EFNA5: variants seen among roughly 807,000 people sequenced by gnomAD.
The protein encoded by EFNA5 is ephrin A5.
In EFNA5, 5 loss-of-function variants were observed where a neutral mutation model predicts 22.9. The observed-to-expected ratio is 0.22, with a 90% CI of 0.11 to 0.46. EFNA5 has a LOEUF of 0.46. Ranked by LOEUF, EFNA5 falls within the 20% of genes least tolerant of loss-of-function variation. EFNA5 has a pLI of 0.99. For synonymous variants in EFNA5, 113 were observed against 112.2 expected, an observed-to-expected ratio of 1.01 and a Z score of -0.04; for missense variants, 237 against 293.3, an observed-to-expected ratio of 0.81 and a Z score of 1.40.
intron 4 of EFNA5, among the ~76,000 whole-genome samples, chr5:107,384,767 CATTT>C (rs1489550211): frequency 9.2e-6 from 1 of 108,744 alleles, no homozygotes; most frequent in African/African-American, 3.7e-5. Context: ...ACACACACCA[CATTT>C]TTTTTTTTTT....
At chr5:107,387,386 T>A (rs1217785411) in intron 3 of EFNA5, 71 bp from the exon 4 acceptor site, 6 of 1,033,206 alleles carry the variant, frequency 5.8e-6, no homozygotes, top group African/African-American at 1.6e-5. Flanking sequence ...TTCTTTCTTT[T>A]TTCTTTCTCT....
At chr5:107,661,147 A>G (rs865786065) in intron 1 of EFNA5, among the ~76,000 whole-genome samples, 19 of 151,356 alleles carry the variant, frequency 1.3e-4, no homozygotes, top group South Asian at 4.2e-4. Context: ...AGAAGAAGAA[A>G]AAAAAAGTAT....
At chr5:107,621,223 G>A (rs867252219) in intron 1 of EFNA5, among the ~76,000 whole-genome samples, 1 of 152,106 alleles carries the variant, frequency 6.6e-6, no homozygotes, top group African/African-American at 2.4e-5. Flanking sequence ...CAGACTGGGG[G>A]GCTGGAGTAA....
At chr5:107,467,609 G>A (rs551201544) in intron 1 of EFNA5, among the ~76,000 whole-genome samples, 2 of 152,316 alleles carry the variant, frequency 1.3e-5, no homozygotes, top group South Asian at 2.1e-4. Flanking sequence ...TTGTGAAGGT[G>A]GCACGTGGAT....
intron 1 of EFNA5, among the ~76,000 whole-genome samples, chr5:107,462,281 A>C (rs1267716821): frequency 6.6e-6 from 1 of 152,136 alleles, no homozygotes; most frequent in African/African-American, 2.4e-5. Context: ...GAAAGAAAGG[A>C]AAGAAAAGGG....
chr5:107,520,019 T>A (rs1289820780), intron 1 of EFNA5, among the ~76,000 whole-genome samples: 1 of 152,170 alleles, frequency 6.6e-6, no homozygotes, highest in Non-Finnish European at 1.5e-5. Context: ...CAGCCCTCCA[T>A]TCATTTGCTA....
intron 1 of EFNA5, among the ~76,000 whole-genome samples, chr5:107,432,405 T>G (rs2112426656): frequency 6.6e-6 from 1 of 152,326 alleles, no homozygotes; most frequent in South Asian, 2.1e-4. Flanking sequence ...ATTTGTAAAT[T>G]TCTTGGAAAA....
chr5:107,661,273 C>T (rs1460552836), intron 1 of EFNA5, among the ~76,000 whole-genome samples: 2 of 152,146 alleles, frequency 1.3e-5, no homozygotes, highest in Non-Finnish European at 2.9e-5. Context: ...AGATTTATAG[C>T]GACTATATGG....
chr5:107,415,267 A>G lies in EFNA5; in HGVS notation c.418+11950T>C, dbSNP rs116944609. Among the ~76,000 whole-genome samples the G allele has an allele frequency of 2.6e-4, 40 of 152,224 alleles. No homozygotes were observed. The East Asian group carries it at 7.1e-3, about 27-fold the overall frequency. On this transcript the variant is annotated intron_variant, in intron 2 of 4. Coordinates refer to ENST00000333274, the MANE Select transcript of EFNA5 (RefSeq NM_001962.3). ...CCAGCAAGCACCTAGTCATAAAACA[A>G]ATGATTTCAATGTATTTATATGATA...
At chr5:107,442,929 T>TAAAAA (rs544741414) in intron 1 of EFNA5, among the ~76,000 whole-genome samples, 2 of 82,348 alleles carry the variant, frequency 2.4e-5, no homozygotes, top group East Asian at 6.4e-4. Context: ...CCCCAGGTAC[T>TAAAAA]AAAAAAAAAA....
intron 1 of EFNA5, among the ~76,000 whole-genome samples, chr5:107,515,356 T>C (rs915552657): frequency 2.4e-5 from 3 of 125,940 alleles, no homozygotes; most frequent in Non-Finnish European, 4.9e-5. Flanking sequence ...GGTTTTTATT[T>C]TTTATTTTAT....
At chr5:107,483,877 T>A (rs990134105) in intron 1 of EFNA5, among the ~76,000 whole-genome samples, 4 of 152,192 alleles carry the variant, frequency 2.6e-5, no homozygotes, top group Non-Finnish European at 5.9e-5. Flanking sequence ...TGCACACAAA[T>A]AACTACTTGC....
chr5:107,459,824 T>A (rs1441905269), intron 1 of EFNA5, among the ~76,000 whole-genome samples: 1 of 152,074 alleles, frequency 6.6e-6, no homozygotes, highest in South Asian at 2.1e-4. Flanking sequence ...TGAGGAAACA[T>A]CAGATGATAA....
chr5:107,490,765 C>T (rs905219112), intron 1 of EFNA5, among the ~76,000 whole-genome samples: 5 of 152,164 alleles, frequency 3.3e-5, no homozygotes, highest in Non-Finnish European at 2.9e-5. Flanking sequence ...ACAGCGGCTA[C>T]TCAGATTCCT....
intron 1 of EFNA5, among the ~76,000 whole-genome samples, chr5:107,610,023 C>T (rs1217649067): frequency 1.3e-5 from 2 of 152,136 alleles, no homozygotes; most frequent in African/African-American, 2.4e-5. Flanking sequence ...GGGAAAATTG[C>T]AGGGTGGGAA....
At chr5:107,538,357 T>C (rs1747969249) in intron 1 of EFNA5, among the ~76,000 whole-genome samples, 1 of 152,238 alleles carries the variant, frequency 6.6e-6, no homozygotes, top group Non-Finnish European at 1.5e-5. Context: ...GAGCCTCTAT[T>C]ATGTGCAAAG....
At chr5:107,640,150 C>G (rs1447640185) in intron 1 of EFNA5, among the ~76,000 whole-genome samples, 2 of 152,146 alleles carry the variant, frequency 1.3e-5, no homozygotes, top group East Asian at 3.9e-4. Flanking sequence ...TTTTAATCTG[C>G]ATTTCCCAGA....
chr5:107,420,335 T>C (rs1282174301), intron 2 of EFNA5, among the ~76,000 whole-genome samples: 2 of 152,080 alleles, frequency 1.3e-5, no homozygotes, highest in Non-Finnish European at 2.9e-5. Flanking sequence ...GGCAATCAAC[T>C]GGTTCCTTAA....
intron 2 of EFNA5, among the ~76,000 whole-genome samples, chr5:107,412,624 G>C (rs955737021): frequency 6.6e-6 from 1 of 152,114 alleles, no homozygotes; most frequent in Non-Finnish European, 1.5e-5. Flanking sequence ...CACAAAACCT[G>C]CCAACAGACA....
Sources: allele counts gnomAD v4.1 joint callset (sites outside exome capture counted in the v4.1 genomes callset), GRCh38; gene constraint gnomAD v4.1.1; transcripts MANE v1.5; gene names NCBI Gene and HGNC (gene_info 2026-07-23, HGNC 2026-07-21).